Variants in NRCAM observed in about 807,000 individuals in gnomAD.
NRCAM encodes neuronal cell adhesion molecule.
Under a neutral mutation model 156.5 loss-of-function variants are expected in NRCAM, and 83 were observed. The observed-to-expected ratio is 0.53, with a 90% CI of 0.44 to 0.64. The LOEUF (loss-of-function observed/expected upper bound fraction) is 0.64. Ranked by LOEUF, NRCAM falls within the 30% of genes least tolerant of loss-of-function variation. The pLI is 0.00. For synonymous variants in NRCAM, 538 were observed against 563.9 expected, an observed-to-expected ratio of 0.95 and a Z score of 0.65; for missense variants, 1,417 against 1,597.3, an observed-to-expected ratio of 0.89 and a Z score of 1.92.
chr7:108,244,728 G>C (rs886865738), intron 3 of NRCAM, among the ~76,000 whole-genome samples: 5 of 152,116 alleles, frequency 3.3e-5, no homozygotes, highest in African/African-American at 1.2e-4. Flanking sequence ...TTTCCTCCTA[G>C]TCCAAAGGAA....
At chr7:108,437,288 G>A (rs570169613) in intron 1 of NRCAM, among the ~76,000 whole-genome samples, 85 of 152,216 alleles carry the variant, frequency 5.6e-4, no homozygotes, top group African/African-American at 1.9e-3. Context: ...GGGAAGTGGG[G>A]GAAATGGGTA....
intron 3 of NRCAM, among the ~76,000 whole-genome samples, chr7:108,288,291 G>T (rs2098172844): frequency 6.6e-6 from 1 of 151,994 alleles, no homozygotes; most frequent in African/African-American, 2.4e-5. Context: ...TGGGTACGAT[G>T]TTCACTATTG....
chr7:108,263,448 A>G (rs1031771273), intron 3 of NRCAM, among the ~76,000 whole-genome samples: 1 of 152,260 alleles, frequency 6.6e-6, no homozygotes, highest in African/African-American at 2.4e-5. Context: ...GCAAAGGGCC[A>G]TAAGAGCCAA....
chr7:108,357,699 T>C (rs1419769055), intron 2 of NRCAM, among the ~76,000 whole-genome samples: 1 of 152,226 alleles, frequency 6.6e-6, no homozygotes, highest in African/African-American at 2.4e-5. Context: ...ATTCTATTTA[T>C]ATTAGACATG....
chr7:108,230,992 G>C (rs757994394), intron 8 of NRCAM, 39 bp downstream of exon 8: 24 of 1,494,678 alleles, frequency 1.6e-5, no homozygotes, highest in Non-Finnish European at 2.2e-5. Context: ...ACAATCCTAA[G>C]ACTTTTAAAG....
chr7:108,191,582 G>T, intron 18 of NRCAM, 147 bp downstream of exon 18: 1 of 970,402 alleles, frequency 1.0e-6, no homozygotes, highest in Non-Finnish European at 1.5e-6. Flanking sequence ...TTGCCTCCAA[G>T]GCATCTTTCA....
intron 1 of NRCAM, among the ~76,000 whole-genome samples, chr7:108,439,951 A>C (rs185623208): frequency 2.8e-4 from 42 of 152,318 alleles, no homozygotes; most frequent in Admixed American, 9.2e-4. Context: ...ACTTTAAAAA[A>C]TAGTTTGGTA....
At chr7:108,271,594 G>A (rs1368147884) in intron 3 of NRCAM, among the ~76,000 whole-genome samples, 1 of 151,876 alleles carries the variant, frequency 6.6e-6, no homozygotes, top group Non-Finnish European at 1.5e-5. Context: ...TTGGGAGGCC[G>A]AGGCAGGAGA....
At chr7:108,168,732 G>T (rs1308815561) in intron 28 of NRCAM, among the ~76,000 whole-genome samples, 3 of 152,184 alleles carry the variant, frequency 2.0e-5, no homozygotes, top group Non-Finnish European at 4.4e-5. Context: ...GTGATGGAGA[G>T]GGGGATTGCT....
At chr7:108,225,153 A>C (rs1356669358) in intron 10 of NRCAM, among the ~76,000 whole-genome samples, 4 of 152,200 alleles carry the variant, frequency 2.6e-5, no homozygotes, top group Non-Finnish European at 5.9e-5. Context: ...ACTTTTAAAC[A>C]AAACTAAGAG....
intron 11 of NRCAM, among the ~76,000 whole-genome samples, chr7:108,220,783 A>T (rs569392475): frequency 5.7e-4 from 87 of 152,278 alleles, no homozygotes; most frequent in African/African-American, 1.9e-3. Context: ...TAGATATTGG[A>T]TTAGGCAAGG....
intron 3 of NRCAM, among the ~76,000 whole-genome samples, chr7:108,284,928 G>A (rs551825777): frequency 6.6e-6 from 1 of 152,208 alleles, no homozygotes; most frequent in Non-Finnish European, 1.5e-5. Flanking sequence ...GCAAATGAAT[G>A]ACTAATCAGA....
chr7:108,229,516 A>G (rs2094002614), intron 8 of NRCAM, among the ~76,000 whole-genome samples: 1 of 152,078 alleles, frequency 6.6e-6, no homozygotes, highest in Non-Finnish European at 1.5e-5. Context: ...GCTTCTTCTC[A>G]TCTGCTTTGC....
intron 3 of NRCAM, among the ~76,000 whole-genome samples, chr7:108,306,090 C>T (rs1397014358): frequency 6.6e-6 from 1 of 152,084 alleles, no homozygotes; most frequent in Non-Finnish European, 1.5e-5. Flanking sequence ...ACTGAAATAA[C>T]AGAAGTTATG....
At chr7:108,430,515 G>A (rs1823653078) in intron 1 of NRCAM, among the ~76,000 whole-genome samples, 1 of 152,190 alleles carries the variant, frequency 6.6e-6, no homozygotes, top group African/African-American at 2.4e-5. Flanking sequence ...GCAAGTGAAA[G>A]GACGGGGCTG....
chr7:108,329,343 G>T (rs2099103411), intron 2 of NRCAM, among the ~76,000 whole-genome samples: 1 of 152,166 alleles, frequency 6.6e-6, no homozygotes, highest in South Asian at 2.1e-4. Flanking sequence ...AAAAGTAATA[G>T]AAGGTATTTC....
At chr7:108,390,440 G>C (rs1201998605) in intron 2 of NRCAM, among the ~76,000 whole-genome samples, 2 of 151,794 alleles carry the variant, frequency 1.3e-5, no homozygotes, top group Non-Finnish European at 2.9e-5. Context: ...ATTTTTTATT[G>C]CATCTATTTG....
chr7:108,338,931 C>A (rs905220885), intron 2 of NRCAM, among the ~76,000 whole-genome samples: 4 of 152,196 alleles, frequency 2.6e-5, no homozygotes, highest in African/African-American at 9.7e-5. Flanking sequence ...TGCATTCAAT[C>A]TGTAGTGGCA....
chr7:108,410,208 T>C (rs1793673294), intron 1 of NRCAM, among the ~76,000 whole-genome samples: 1 of 152,218 alleles, frequency 6.6e-6, no homozygotes, highest in African/African-American at 2.4e-5. Context: ...TATAAGCCCA[T>C]ATTAAATAGC....
Sources: gnomAD v4.1 joint callset for allele counts (sites outside exome capture counted in the v4.1 genomes callset) on GRCh38, gnomAD v4.1.1 for gene constraint, MANE v1.5 for transcripts, NCBI Gene and HGNC (gene_info 2026-07-23, HGNC 2026-07-21) for gene names.